HOXC13: variants seen among roughly 807,000 people sequenced by gnomAD.
HOXC13 encodes the protein homeobox protein Hox-C13.
A neutral mutation model predicts 25.9 loss-of-function variants in HOXC13; 10 were observed. The ratio of observed to expected loss-of-function variants is 0.39; its 90% CI spans 0.24 to 0.65. HOXC13 has a LOEUF of 0.65. Among genes scored for constraint, HOXC13 ranks in the 30% least tolerant of loss-of-function variants. HOXC13 has a pLI of 0.50. For synonymous variants in HOXC13, 233 were observed against 217.1 expected (o/e 1.07, Z -0.64); for missense variants, 439 against 478.3 (o/e 0.92, Z 0.77).
In HOXC13 at chr12:53,939,976, C is replaced by T. The variant is rs1358214267; in HGVS notation, c.736+334C>T. Among the ~76,000 whole-genome samples, 1 of 152,210 alleles carries T rather than the reference C, an allele frequency of 6.6e-6. No individual in the cohort carries two copies. The highest frequency in any genetic ancestry group is 2.4e-5 in the African/African-American group (1 of 41,462). On this transcript the variant is annotated intron_variant, in intron 1 of 1. Transcript: ENST00000243056. The surrounding 1 kb of genome is among the most constrained non-coding windows in gnomAD (Gnocchi z 6.7). Reference sequence around the variant, plus strand: ...TCTTGGCCCCTAAACCTGCTTCCGGCAAGGGATGGGGGCGGGGTGGGCCTA... The same window carrying T: ...TCTTGGCCCCTAAACCTGCTTCCGGTAAGGGATGGGGGCGGGGTGGGCCTA...
chr12:53,941,617 T>C (rs1251713920), intron 1 of HOXC13, among the ~76,000 whole-genome samples: 4 of 152,206 alleles, frequency 2.6e-5, no homozygotes, highest in Non-Finnish European at 5.9e-5. Flanking sequence ...ATAAATACTT[T>C]TTTGATCACA....
chr12:53,942,406 TG>T (rs934249935), intron 1 of HOXC13, among the ~76,000 whole-genome samples: 2 of 14,902 alleles, frequency 1.3e-4, no homozygotes, highest in Non-Finnish European at 2.7e-4. Flanking sequence ...AGCTTGCCTG[TG>T]GGGGGGCGGG....
rs773510594 is a variant in HOXC13 at position 53,938,898 on chromosome 12, G to C, written c.-9G>C. Reference sequence around the variant, plus strand: ...GTGGAGTTTTTAAAAAGCTCCAGCAGATCATGTCATGACGACTTCGCTGCT... The same window carrying C: ...GTGGAGTTTTTAAAAAGCTCCAGCACATCATGTCATGACGACTTCGCTGCT... On this transcript the variant is annotated 5_prime_UTR_variant, in exon 1 of 2. Transcript: ENST00000243056. 9.0e-6 allele frequency: 14 copies of C among 1,550,242 alleles called. No individual in the cohort carries two copies. The highest frequency in any genetic ancestry group is 1.1e-5 in the Non-Finnish European group (13 of 1,156,228).
At position 53,945,565 on chromosome 12, in the gene HOXC13, A is replaced by C; in HGVS notation, c.*309A>C. On this transcript the variant is annotated 3_prime_UTR_variant, in exon 2 of 2. Coordinates refer to ENST00000243056, the MANE Select transcript of HOXC13 (RefSeq NM_017410.3). This position sits in a 1 kb window ranked among gnomAD's most constrained non-coding sequence, Gnocchi z 4.4. Reference sequence around the variant, plus strand: ...TCCTCCTTGCGCTCACCTTGCCAGAAAGTCTGGTGGCAGCGCAGAGCCCAA... The same window carrying C: ...TCCTCCTTGCGCTCACCTTGCCAGACAGTCTGGTGGCAGCGCAGAGCCCAA... The C allele has an allele frequency of 2.3e-6, 1 of 435,042 alleles. No individual in the cohort carries two copies. The highest frequency in any genetic ancestry group is 3.0e-5 in the South Asian group (1 of 32,864). The allele number at this position is 435,042 out of a possible 1,614,324, so 26.9% of individuals were successfully genotyped here.
At chr12:53,942,375 A>G (rs1938626526) in intron 1 of HOXC13, among the ~76,000 whole-genome samples, 1 of 141,674 alleles carries the variant, frequency 7.1e-6, no homozygotes, top group Non-Finnish European at 1.5e-5. Flanking sequence ...CTAGCTGGAC[A>G]AGGCACTCTT....
Position 53,945,564 on chromosome 12 carries a change from A to C in HOXC13, c.*308A>C. Reference sequence around the variant, plus strand: ...CTCCTCCTTGCGCTCACCTTGCCAGAAAGTCTGGTGGCAGCGCAGAGCCCA... The same window carrying C: ...CTCCTCCTTGCGCTCACCTTGCCAGCAAGTCTGGTGGCAGCGCAGAGCCCA... On this transcript the variant is annotated 3_prime_UTR_variant, in exon 2 of 2. Transcript: ENST00000243056. This position sits in a 1 kb window ranked among gnomAD's most constrained non-coding sequence, Gnocchi z 4.4. 1 of 440,108 alleles carries C rather than the reference A, an allele frequency of 2.3e-6. No individual in the cohort carries two copies. The highest frequency in any genetic ancestry group is 4.1e-6 in the Non-Finnish European group (1 of 241,138). 27.3% of individuals were successfully genotyped at this position (440,108 alleles called of 1,614,324 possible).
chr12:53,939,167 C>A lies in HOXC13; in HGVS notation c.261C>A (p.Ala87=). 3 of 1,486,700 alleles carry A rather than the reference C, an allele frequency of 2.0e-6. No homozygotes were observed. The South Asian group carries it at 3.9e-5, about 19-fold the overall frequency. 92.1% of individuals were successfully genotyped at this position (1,486,700 alleles called of 1,614,324 possible). Residue 87 remains alanine (A), a synonymous_variant, in exon 1 of 2, where the codon GCC becomes GCA. Coordinates refer to ENST00000243056, the MANE Select transcript of HOXC13 (RefSeq NM_017410.3). The surrounding 1 kb of genome is among the most constrained non-coding windows in gnomAD (Gnocchi z 6.7). ...VLGRPPAPLG[A]PQGAVYTDIP... ...GCCGCCCGCCGGCTCCCCTGGGCGCCCCTCAGGGCGCCGTCTATACGGACA... is the reference window on the plus strand; with the variant it reads ...GCCGCCCGCCGGCTCCCCTGGGCGCACCTCAGGGCGCCGTCTATACGGACA...
At chr12:53,940,810 C>T (rs942091998) in intron 1 of HOXC13, among the ~76,000 whole-genome samples, 1 of 152,098 alleles carries the variant, frequency 6.6e-6, no homozygotes, top group African/African-American at 2.4e-5. Flanking sequence ...AGATGTCTCC[C>T]GACAGTGCCC....
chr12:53,944,825 G>A (rs564496828), intron 1 of HOXC13, among the ~76,000 whole-genome samples, 175 bp from the exon 2 acceptor site: 1 of 152,322 alleles, frequency 6.6e-6, no homozygotes, highest in African/African-American at 2.4e-5. Flanking sequence ...CCTCATCATA[G>A]TTGTGGTCTT....
intron 1 of HOXC13, among the ~76,000 whole-genome samples, chr12:53,944,680 G>GT (rs1406346512): frequency 1.3e-5 from 2 of 152,006 alleles, no homozygotes; most frequent in African/African-American, 4.8e-5. Flanking sequence ...CCGAACCCAT[G>GT]TTTATTTTTT....
Position 53,945,169 on chromosome 12 carries a change from C to T in HOXC13, c.906C>T (p.Arg302=), listed in dbSNP as rs757593575. The T allele has an allele frequency of 1.9e-6, 3 of 1,614,206 alleles. No homozygotes were observed. The highest frequency in any genetic ancestry group is 2.5e-6 in the Non-Finnish European group (3 of 1,180,050). ...CCGCCACCACGAACCTCTCTGAGCGCCAGGTAACCATCTGGTTCCAGAACC... is the reference window on the plus strand; with the variant it reads ...CCGCCACCACGAACCTCTCTGAGCGTCAGGTAACCATCTGGTTCCAGAACC... ...RISATTNLSE[R]QVTIWFQNRR... is the part of the protein sequence containing the mutation. The change falls in exon 2 of 2, where the codon CGC becomes CGT. Residue 302 remains arginine (R), a synonymous_variant. Transcript: ENST00000243056. This position sits in a 1 kb window ranked among gnomAD's most constrained non-coding sequence, Gnocchi z 4.4.
chr12:53,945,107 A>T lies in HOXC13; in HGVS notation c.844A>T (p.Ser282Cys), dbSNP rs775397135. Residue 282 changes from serine to cysteine, a missense_variant, in exon 2 of 2, where the codon AGC becomes TGC. Ser to Cys is a moderately radical substitution (Grantham distance 112). Transcript: ENST00000243056. This position sits in a 1 kb window ranked among gnomAD's most constrained non-coding sequence, Gnocchi z 4.4. ...LKELEKEYAA[S>C]KFITKEKRRR... The stretch of plus-strand genomic sequence containing the variant: ...GGAGCTAGAGAAGGAATACGCGGCT[A>T]GCAAGTTCATCACCAAAGAGAAGCG... 1.6e-5 allele frequency: 26 copies of T among 1,614,114 alleles called. No homozygotes were observed. Among genetic ancestry groups the T allele is most frequent in the Non-Finnish European group, 2.2e-5 (26 of 1,180,058 alleles).
intron 1 of HOXC13, among the ~76,000 whole-genome samples, chr12:53,942,875 A>AT (rs893089183): frequency 1.2e-4 from 18 of 152,040 alleles, no homozygotes; most frequent in East Asian, 1.2e-3. Flanking sequence ...TTTTAAACTG[A>AT]TTTTTTTTAG....
rs1007507932 is a variant in HOXC13, at chr12:53,945,611, T to C, written c.*355T>C. On this transcript the variant is annotated 3_prime_UTR_variant, in exon 2 of 2. Coordinates refer to ENST00000243056, the MANE Select transcript of HOXC13 (RefSeq NM_017410.3). This position sits in a 1 kb window ranked among gnomAD's most constrained non-coding sequence, Gnocchi z 4.4. ...CCCAATCATTCCAACCAAAGCAGGG[T>C]TGGGGAATCCCGAATGGCCCCAATT... 12 of 367,282 alleles carry C rather than the reference T, an allele frequency of 3.3e-5. No individual in the cohort carries two copies. The East Asian group carries it at 4.7e-4, about 14-fold the overall frequency. 22.8% of individuals were successfully genotyped at this position (367,282 alleles called of 1,614,324 possible). A position where few individuals can be genotyped will look rare whatever the true frequency, so the allele number is the denominator to read the frequency against.
chr12:53,940,470 T>C (rs1009026777), intron 1 of HOXC13, among the ~76,000 whole-genome samples: 1 of 152,224 alleles, frequency 6.6e-6, no homozygotes, highest in Admixed American at 6.5e-5. Context: ...GTTCAGGGGC[T>C]TCTGGAGTCC....
Position 53,938,919 on chromosome 12 carries a change from CT to C in HOXC13, c.14del (p.Leu5ArgfsTer134). 1 of 1,558,684 alleles carries C rather than the reference CT, an allele frequency of 6.4e-7. No homozygotes were observed. Among genetic ancestry groups the C allele is most frequent in the Non-Finnish European group, 8.6e-7 (1 of 1,159,980 alleles). On this transcript the variant is annotated frameshift_variant, in exon 1 of 2. Coordinates refer to ENST00000243056, the MANE Select transcript of HOXC13 (RefSeq NM_017410.3). LOFTEE classifies it high-confidence loss of function. ...AGCAGATCATGTCATGACGACTTCG[CT>C]GCTCCTGCATCCACGCTGGCCGGAG... Reference protein sequence around the residue: MTTSLLLHPRWPESL... With the variant: MTTSXLLHPRWPESL...
rs1215141789 is a variant in HOXC13, at chr12:53,939,848, G to A, written c.736+206G>A. 2.0e-5 allele frequency among the ~76,000 whole-genome samples: 3 copies of A among 152,238 alleles called. No individual in the cohort carries two copies. The highest frequency in any genetic ancestry group is 2.9e-5 in the Non-Finnish European group (2 of 68,036). ...ACACGTTCTCTGTAGCTGCCCGGCC[G>A]AGAATGAAGCAATCACAGGCGCCCG... On this transcript the variant is annotated intron_variant, in intron 1 of 1. Transcript: ENST00000243056. The surrounding 1 kb of genome is among the most constrained non-coding windows in gnomAD (Gnocchi z 6.7).
chr12:53,940,272 G>A (rs1212285708), intron 1 of HOXC13, among the ~76,000 whole-genome samples: 1 of 152,196 alleles, frequency 6.6e-6, no homozygotes, highest in African/African-American at 2.4e-5. Flanking sequence ...TGGAGAGGAG[G>A]CTAGAATCCC....
At position 53,945,108 on chromosome 12, in the gene HOXC13, G is replaced by C; in HGVS notation, c.845G>C (p.Ser282Thr). The C allele has an allele frequency of 6.2e-7, 1 of 1,614,194 alleles. No homozygotes were observed. Among genetic ancestry groups the C allele is most frequent in the Non-Finnish European group, 8.5e-7 (1 of 1,180,036 alleles). The change falls in exon 2 of 2, where the codon AGC becomes ACC. Residue 282 changes from serine (S) to threonine (T), a missense_variant. Physicochemically the swap from Ser to Thr is moderately conservative, Grantham distance 58. Transcript: ENST00000243056. This position sits in a 1 kb window ranked among gnomAD's most constrained non-coding sequence, Gnocchi z 4.4. ...LKELEKEYAA[S>T]KFITKEKRRR... ...GAGCTAGAGAAGGAATACGCGGCTA[G>C]CAAGTTCATCACCAAAGAGAAGCGC...
Sources: allele counts gnomAD v4.1 joint callset (sites outside exome capture counted in the v4.1 genomes callset), GRCh38; gene constraint gnomAD v4.1.1; non-coding constraint Gnocchi (gnomAD v3.1); transcripts MANE v1.5; gene names NCBI Gene and HGNC (gene_info 2026-07-23, HGNC 2026-07-21).